Variants in MALRD1 observed in about 807,000 individuals in gnomAD.
The protein encoded by MALRD1 is MAM and LDL receptor class A domain containing 1.
Under a neutral mutation model 242.1 loss-of-function variants are expected in MALRD1, and 247 were observed. That is an observed-to-expected ratio of 1.02 (90% CI 0.92 to 1.13). The LOEUF is 1.13. Ranked by LOEUF, MALRD1 falls within the 50% of genes most tolerant of loss-of-function variation. The probability of loss-of-function intolerance (pLI) is 0.00; values close to 1 mark genes in which losing one functional copy is unlikely to be tolerated. For synonymous variants in MALRD1, 995 were observed against 866.6 expected, an observed-to-expected ratio of 1.15 and a Z score of -2.60; for missense variants, 2,989 against 2,533.1, an observed-to-expected ratio of 1.18 and a Z score of -3.86.
chr10:19,405,458 A>G (rs1029915589), intron 28 of MALRD1, among the ~76,000 whole-genome samples: 2 of 152,172 alleles, frequency 1.3e-5, no homozygotes, highest in Non-Finnish European at 2.9e-5. Context: ...TTGCTGCCTG[A>G]GAGTCTGAGA....
At chr10:19,693,026 C>T (rs1453011523) in intron 38 of MALRD1, among the ~76,000 whole-genome samples, 1 of 151,770 alleles carries the variant, frequency 6.6e-6, no homozygotes, top group Non-Finnish European at 1.5e-5. Context: ...ATTCAACAGC[C>T]CTTCATGCTA....
intron 24 of MALRD1, among the ~76,000 whole-genome samples, chr10:19,333,141 A>T (rs10400189): frequency 0.02 from 2,801 of 139,676 alleles, 87 homozygotes; most frequent in African/African-American, 0.074. Flanking sequence ...ACTTCTTTTT[A>T]AAAAAAAAAA....
intron 32 of MALRD1, among the ~76,000 whole-genome samples, chr10:19,549,592 T>C (rs1835391554): frequency 6.6e-6 from 1 of 152,198 alleles, no homozygotes; most frequent in South Asian, 2.1e-4. Context: ...TACATTGCTT[T>C]TTGTAGGCAT....
intron 14 of MALRD1, among the ~76,000 whole-genome samples, chr10:19,176,855 T>C (rs1249808249): frequency 3.5e-5 from 5 of 143,790 alleles, no homozygotes; most frequent in Non-Finnish European, 7.7e-5. Flanking sequence ...TCTGTGTGTG[T>C]GCGTGCATGT....
intron 34 of MALRD1, among the ~76,000 whole-genome samples, chr10:19,596,325 A>G (rs891332627): frequency 2.6e-5 from 4 of 152,186 alleles, no homozygotes; most frequent in South Asian, 4.1e-4. Flanking sequence ...ACCATATACC[A>G]TATTATATTT....
chr10:19,717,730 G>T (rs1834454916), intron 38 of MALRD1, among the ~76,000 whole-genome samples: 1 of 152,112 alleles, frequency 6.6e-6, no homozygotes, highest in Non-Finnish European at 1.5e-5. Flanking sequence ...AATACCTGAG[G>T]CTGGGGCTGG....
At chr10:19,608,891 A>G (rs1838758548) in intron 35 of MALRD1, among the ~76,000 whole-genome samples, 1 of 152,102 alleles carries the variant, frequency 6.6e-6, no homozygotes, top group Admixed American at 6.6e-5. Flanking sequence ...CTCTGCACTC[A>G]GAATGCATGT....
At chr10:19,641,740 G>C (rs1007788297) in intron 36 of MALRD1, among the ~76,000 whole-genome samples, 2 of 152,098 alleles carry the variant, frequency 1.3e-5, no homozygotes, top group African/African-American at 4.8e-5. Flanking sequence ...AAGCTCATTA[G>C]TTGATTTTTC....
intron 36 of MALRD1, among the ~76,000 whole-genome samples, chr10:19,629,806 G>T (rs530523400): frequency 9.8e-4 from 149 of 152,232 alleles, no homozygotes; most frequent in African/African-American, 3.4e-3. Context: ...GCCCTGGAAC[G>T]GCTGGCCATC....
chr10:19,260,573 G>A (rs540556532), intron 19 of MALRD1, among the ~76,000 whole-genome samples: 1 of 152,232 alleles, frequency 6.6e-6, no homozygotes, highest in African/African-American at 2.4e-5. Flanking sequence ...CAGGGGTAGG[G>A]GAGATAGAAA....
intron 38 of MALRD1, among the ~76,000 whole-genome samples, chr10:19,699,922 A>G (rs74229457): frequency 1.6e-4 from 24 of 152,174 alleles, no homozygotes; most frequent in Non-Finnish European, 2.9e-4. Context: ...TTACAATTCA[A>G]CATGAGATTT....
At chr10:19,335,554 A>G (rs1436311010) in intron 24 of MALRD1, among the ~76,000 whole-genome samples, 1 of 152,140 alleles carries the variant, frequency 6.6e-6, no homozygotes, top group Non-Finnish European at 1.5e-5. Context: ...AGAGAAAGAC[A>G]ATATTAAAAG....
intron 28 of MALRD1, among the ~76,000 whole-genome samples, chr10:19,447,396 G>A (rs1835057938): frequency 6.6e-6 from 1 of 152,108 alleles, no homozygotes; most frequent in Middle Eastern, 3.2e-3. Flanking sequence ...ATGTCTTATA[G>A]TACATCACCA....
chr10:19,589,277 A>C (rs559053749), intron 33 of MALRD1, among the ~76,000 whole-genome samples: 1 of 134,304 alleles, frequency 7.4e-6, no homozygotes, highest in African/African-American at 2.8e-5. Context: ...AGTGTGTATA[A>C]ATAAAGTATG....
intron 18 of MALRD1, among the ~76,000 whole-genome samples, chr10:19,255,171 G>A (rs1379972789): frequency 6.6e-6 from 1 of 151,954 alleles, no homozygotes; most frequent in African/African-American, 2.4e-5. Context: ...TCTAATATAA[G>A]TAGAATTGAC....
chr10:19,526,063 G>A (rs1834087329), intron 31 of MALRD1, among the ~76,000 whole-genome samples: 1 of 151,988 alleles, frequency 6.6e-6, no homozygotes. Flanking sequence ...AGACATTTCA[G>A]CTTTATTATC....
At chr10:19,255,158 A>C (rs767337259) in intron 18 of MALRD1, among the ~76,000 whole-genome samples, 1 of 152,006 alleles carries the variant, frequency 6.6e-6, no homozygotes, top group Non-Finnish European at 1.5e-5. Context: ...AGACGATGAT[A>C]GTTCTAATAT....
intron 33 of MALRD1, among the ~76,000 whole-genome samples, chr10:19,585,602 T>G (rs1050029528): frequency 2.8e-4 from 42 of 152,196 alleles, no homozygotes; most frequent in African/African-American, 9.9e-4. Flanking sequence ...TCTGCTGTTA[T>G]TCTGATGGGC....
intron 28 of MALRD1, among the ~76,000 whole-genome samples, chr10:19,407,631 G>C (rs531147341): frequency 6.6e-6 from 1 of 152,306 alleles, no homozygotes; most frequent in East Asian, 1.9e-4. Context: ...TACCACTATA[G>C]TGATCAGGAT....
Sources: gnomAD v4.1 joint callset for allele counts (sites outside exome capture counted in the v4.1 genomes callset) on GRCh38, gnomAD v4.1.1 for gene constraint, MANE v1.5 for transcripts, NCBI Gene and HGNC (gene_info 2026-07-23, HGNC 2026-07-21) for gene names.